The following SWT1 variants were observed in gnomAD, a reference collection of about 807,000 sequenced individuals.
SWT1 encodes SWT1 RNA endoribonuclease homolog.
Under a neutral mutation model 107.3 loss-of-function variants are expected in SWT1, and 33 were observed. That is an observed-to-expected ratio of 0.31 (90% CI 0.23 to 0.41). The LOEUF is 0.41. Ranked by LOEUF, SWT1 falls within the 10% of genes least tolerant of loss-of-function variation. The probability of loss-of-function intolerance (pLI) is 1.00; values close to 1 mark genes in which losing one functional copy is unlikely to be tolerated. For missense variants in SWT1, 898 were observed against 1,028.9 expected, an observed-to-expected ratio of 0.87 and a Z score of 1.74; for synonymous variants, 345 against 348.3, an observed-to-expected ratio of 0.99 and a Z score of 0.11.
At chr1:185,243,332 T>G (rs1056341953) in intron 16 of SWT1, among the ~76,000 whole-genome samples, 5 of 152,070 alleles carry the variant, frequency 3.3e-5, no homozygotes, top group African/African-American at 1.2e-4. Flanking sequence ...CTGGTCTTGA[T>G]CTCCTGGACT....
At chr1:185,221,248 C>A (rs1659636948) in intron 14 of SWT1, among the ~76,000 whole-genome samples, 1 of 152,160 alleles carries the variant, frequency 6.6e-6, no homozygotes, top group South Asian at 2.1e-4. Context: ...CATTCTGCTG[C>A]CTTTTTATAG....
At chr1:185,228,902 A>G (rs1660293930) in intron 15 of SWT1, among the ~76,000 whole-genome samples, 3 of 152,176 alleles carry the variant, frequency 2.0e-5, no homozygotes, top group South Asian at 2.1e-4. Context: ...GAACATGTCT[A>G]TATACATTGG....
At chr1:185,240,087 A>G (rs1661161851) in intron 16 of SWT1, among the ~76,000 whole-genome samples, 1 of 152,132 alleles carries the variant, frequency 6.6e-6, no homozygotes, top group East Asian at 1.9e-4. Context: ...AGTGTTGTAG[A>G]TATGTTTCTG....
chr1:185,221,812 G>C, intron 14 of SWT1, 37 bp from the exon 15 acceptor site: 3 of 1,429,110 alleles, frequency 2.1e-6, no homozygotes, highest in Non-Finnish European at 2.8e-6. Flanking sequence ...TGCAAATGAA[G>C]AACTAGCTGC....
intron 13 of SWT1, among the ~76,000 whole-genome samples, chr1:185,208,270 T>G (rs1413155731): frequency 3.3e-5 from 5 of 152,190 alleles, no homozygotes; most frequent in Non-Finnish European, 7.4e-5. Context: ...CCTTATTCTC[T>G]GTCTTTTCCT....
At chr1:185,241,656 C>T (rs562581727) in intron 16 of SWT1, among the ~76,000 whole-genome samples, 1 of 151,990 alleles carries the variant, frequency 6.6e-6, no homozygotes, top group African/African-American at 2.4e-5. Context: ...GTATCTGGAG[C>T]CTTGCACAGG....
Position 185,174,848 on chromosome 1 carries a change from T to A in SWT1, c.701T>A (p.Phe234Tyr), listed in dbSNP as rs1201808900. 6.2e-7 allele frequency: 1 copy of A among 1,614,090 alleles called. No individual in the cohort carries two copies. Reference protein sequence around the residue: ...PLGSRRQKISFKIPIKSRDTL... With the variant: ...PLGSRRQKISYKIPIKSRDTL... ...GGATCTAGAAGACAGAAGATCAGTT[T>A]CAAAATCCCTATAAAATCCCGTGAC... Residue 234 changes from phenylalanine to tyrosine, a missense_variant, in exon 5 of 19, where the codon TTC becomes TAC. Around this residue, in one of 6 missense-constraint regions of SWT1, gnomAD observed 382 missense variants for 362.4 expected, o/e 1.05. Coordinates refer to ENST00000367500, the MANE Select transcript of SWT1 (RefSeq NM_017673.7).
At chr1:185,164,613 A>G (rs1273098496) in intron 2 of SWT1, among the ~76,000 whole-genome samples, 1 of 152,196 alleles carries the variant, frequency 6.6e-6, no homozygotes, top group Non-Finnish European at 1.5e-5. Context: ...TGTTACAGAG[A>G]TGGCTTCATT....
At chr1:185,240,924 G>T (rs183958477) in intron 16 of SWT1, among the ~76,000 whole-genome samples, 2 of 151,926 alleles carry the variant, frequency 1.3e-5, no homozygotes, top group Admixed American at 1.3e-4. Context: ...CATTATTTCT[G>T]GGAAAAGAAA....
chr1:185,268,669 T>A (rs1346896704), intron 16 of SWT1, among the ~76,000 whole-genome samples: 2 of 152,140 alleles, frequency 1.3e-5, no homozygotes, highest in Non-Finnish European at 2.9e-5. Context: ...TTCACTAGAG[T>A]TTGTCTCATC....
intron 14 of SWT1, among the ~76,000 whole-genome samples, chr1:185,219,474 A>C (rs1659469165): frequency 1.3e-5 from 2 of 152,214 alleles, no homozygotes; most frequent in Admixed American, 1.3e-4. Context: ...TTTATTTAAA[A>C]AAATTTTAAT....
chr1:185,219,572 T>A (rs569696524), intron 14 of SWT1, among the ~76,000 whole-genome samples: 1 of 152,166 alleles, frequency 6.6e-6, no homozygotes, highest in Non-Finnish European at 1.5e-5. Flanking sequence ...TGGAGTGATT[T>A]TATTTAAGTT....
chr1:185,237,061 A>G (rs1571583957), intron 16 of SWT1, among the ~76,000 whole-genome samples: 4 of 152,182 alleles, frequency 2.6e-5, no homozygotes, highest in Admixed American at 6.5e-5. Flanking sequence ...GAAACAACAG[A>G]TGCTGGAGAG....
chr1:185,202,167 T>C (rs1318911801), intron 10 of SWT1, among the ~76,000 whole-genome samples: 1 of 152,178 alleles, frequency 6.6e-6, no homozygotes, highest in African/African-American at 2.4e-5. Context: ...TGCACTATGT[T>C]CTAATCATAT....
chr1:185,247,727 G>T (rs1259666647), intron 16 of SWT1, among the ~76,000 whole-genome samples: 1 of 152,114 alleles, frequency 6.6e-6, no homozygotes, highest in Non-Finnish European at 1.5e-5. Flanking sequence ...AGTATGTATG[G>T]CTCTCCTTTG....
chr1:185,186,336 A>G (rs1336073899), intron 9 of SWT1, among the ~76,000 whole-genome samples: 1 of 152,216 alleles, frequency 6.6e-6, no homozygotes, highest in Non-Finnish European at 1.5e-5. Flanking sequence ...CTTTAAGACT[A>G]TGAATTGGTA....
intron 2 of SWT1, among the ~76,000 whole-genome samples, chr1:185,164,848 G>A (rs552080164): frequency 1.0e-3 from 155 of 152,238 alleles, no homozygotes; most frequent in African/African-American, 3.5e-3. Flanking sequence ...TTATGTGTTC[G>A]CTGGAGTAGT....
At chr1:185,247,392 G>T (rs1661690552) in intron 16 of SWT1, among the ~76,000 whole-genome samples, 1 of 152,144 alleles carries the variant, frequency 6.6e-6, no homozygotes, top group South Asian at 2.1e-4. Flanking sequence ...AAATACTGGA[G>T]GTTAAATAGT....
intron 16 of SWT1, among the ~76,000 whole-genome samples, chr1:185,247,309 G>T (rs1027228031): frequency 1.3e-5 from 2 of 152,068 alleles, no homozygotes; most frequent in African/African-American, 4.8e-5. Context: ...ACGGACTAAA[G>T]TAAAGGCACA....
Sources: gnomAD v4.1 joint callset for allele counts (sites outside exome capture counted in the v4.1 genomes callset) on GRCh38, gnomAD v4.1.1 for gene constraint, gnomAD v4.1.1 regional missense constraint, MANE v1.5 for transcripts, NCBI Gene and HGNC (gene_info 2026-07-23, HGNC 2026-07-21) for gene names.